The following COL5A2 variants were observed in gnomAD, a reference collection of about 807,000 sequenced individuals.
COL5A2 encodes the protein collagen alpha-2(V) chain.
A neutral mutation model predicts 208.2 loss-of-function variants in COL5A2; 23 were observed. The observed-to-expected ratio is 0.11, with a 90% CI of 0.08 to 0.16. The LOEUF is 0.16. Among genes scored for constraint, COL5A2 ranks in the 10% least tolerant of loss-of-function variants. COL5A2 has a pLI of 1.00. For synonymous variants in COL5A2, 625 were observed against 628.5 expected, an observed-to-expected ratio of 0.99 and a Z score of 0.08; for missense variants, 1,590 against 1,956.4, an observed-to-expected ratio of 0.81 and a Z score of 3.53.
At chr2:189,039,698 T>G in intron 50 of COL5A2, 135 bp from the exon 51 acceptor site, 2 of 785,498 alleles carry the variant, frequency 2.5e-6, no homozygotes, top group East Asian at 5.4e-5. Context: ...TCGCGCCCTT[T>G]TGTAACTAGA....
At chr2:189,070,468 C>G (rs551539155) in intron 18 of COL5A2, among the ~76,000 whole-genome samples, 1 of 152,210 alleles carries the variant, frequency 6.6e-6, no homozygotes, top group Non-Finnish European at 1.5e-5. Context: ...TGGAGAGAAG[C>G]AAGAAGGAAA....
At chr2:189,103,604 C>T (rs528635487) in intron 3 of COL5A2, among the ~76,000 whole-genome samples, 5 of 152,140 alleles carry the variant, frequency 3.3e-5, no homozygotes, top group Non-Finnish European at 2.9e-5. Context: ...ATCTTCGCTT[C>T]GTAGGATTAC....
chr2:189,315,249 C>T, the COL5A2 span, among the ~76,000 whole-genome samples: 1 of 152,176 alleles, frequency 6.6e-6, no homozygotes, highest in Non-Finnish European at 1.5e-5. Flanking sequence ...ATCAAGTAAG[C>T]TTCATCCCTG....
Position 189,068,807 on chromosome 2 carries a change from T to C in COL5A2, c.1236A>G (p.Pro412=). 1 of 1,613,226 alleles carries C rather than the reference T, an allele frequency of 6.2e-7. No homozygotes were observed. Among genetic ancestry groups the C allele is most frequent in the Non-Finnish European group, 8.5e-7 (1 of 1,179,750 alleles). ...GQRGETGPPG[P]VGSPGLPGAI... is the part of the protein sequence containing the mutation. ...TTACAGGAAGACCTGGAGAGCCAAC[T>C]GGACCTGGGGGCCCAGTTTCACCTC... is the stretch of plus-strand genomic sequence containing the variant. The change falls in exon 19 of 54, where the codon CCA becomes CCG. Residue 412 remains proline (P), a synonymous_variant. Transcript: ENST00000374866.
intron 1 of COL5A2, among the ~76,000 whole-genome samples, chr2:189,117,234 T>C (rs1162613711): frequency 6.6e-6 from 1 of 152,188 alleles, no homozygotes; most frequent in Non-Finnish European, 1.5e-5. Flanking sequence ...AAGAGCAGAT[T>C]TCAGTCTGCT....
At chr2:189,105,733 G>T (rs1687136369) in intron 2 of COL5A2, among the ~76,000 whole-genome samples, 1 of 151,266 alleles carries the variant, frequency 6.6e-6, no homozygotes, top group Non-Finnish European at 1.5e-5. Context: ...ATATATTTTA[G>T]AAGACTATAA....
chr2:189,430,727 T>C, the COL5A2 span, among the ~76,000 whole-genome samples: 2 of 152,234 alleles, frequency 1.3e-5, no homozygotes, highest in African/African-American at 4.8e-5. Context: ...CAGGGCCTAC[T>C]GCCTCTATAG....
At chr2:189,363,165 T>G in the COL5A2 span, among the ~76,000 whole-genome samples, 1 of 152,124 alleles carries the variant, frequency 6.6e-6, no homozygotes, top group Non-Finnish European at 1.5e-5. Flanking sequence ...TTAAAAAAAT[T>G]TCTTTCTGCA....
At chr2:189,415,535 G>T in the COL5A2 span, among the ~76,000 whole-genome samples, 1 of 152,024 alleles carries the variant, frequency 6.6e-6, no homozygotes, top group African/African-American at 2.4e-5. Flanking sequence ...TTTCTACTTG[G>T]TCAGTGGATT....
the COL5A2 span, among the ~76,000 whole-genome samples, chr2:189,335,992 G>C: frequency 6.6e-6 from 1 of 151,980 alleles, no homozygotes; most frequent in Non-Finnish European, 1.5e-5. Context: ...AATATGTTAA[G>C]AACATTTATC....
intron 1 of COL5A2, among the ~76,000 whole-genome samples, chr2:189,160,441 CCT>C (rs1466291168): frequency 1.3e-5 from 2 of 152,096 alleles, no homozygotes; most frequent in Non-Finnish European, 2.9e-5. Context: ...TCAACATCTT[CCT>C]CTTTATGGAG....
chr2:189,079,084 T>C lies in COL5A2; in HGVS notation c.984A>G (p.Pro328=), dbSNP rs1232430937. ...GSKGEAGPTG[P]MGAMGPLGPR... ...ATACCAGAGGACCCATGGCACCCAT[T>C]GGACCAGTGGGGCCAGCTTCACCCT... Residue 328 remains proline (P), a synonymous_variant, in exon 15 of 54, where the codon CCA becomes CCG. Coordinates refer to ENST00000374866, the MANE Select transcript of COL5A2 (RefSeq NM_000393.5). 2 of 1,613,158 alleles carry C rather than the reference T, an allele frequency of 1.2e-6. No individual in the cohort carries two copies. Among genetic ancestry groups the C allele is most frequent in the South Asian group, 2.2e-5 (2 of 91,052 alleles).
chr2:189,078,697 A>G lies in COL5A2; in HGVS notation c.1006-128T>C. On this transcript the variant is annotated intron_variant, in intron 15 of 53. Transcript: ENST00000374866. ...ACCAAGCAGTAGTATTTCCAGGGGC[A>G]ATGTTGGGTTTGAAAAACTATCCCC... 9.5e-6 allele frequency: 8 copies of G among 838,880 alleles called. No homozygotes were observed. In the Admixed American group the frequency reaches 1.2e-4, roughly 13 times the overall value. The allele number at this position is 838,880 out of a possible 1,614,324, so 52.0% of individuals were successfully genotyped here.
the COL5A2 span, among the ~76,000 whole-genome samples, chr2:189,248,741 G>T: frequency 1.3e-5 from 2 of 152,122 alleles, no homozygotes; most frequent in South Asian, 4.2e-4. Flanking sequence ...TCAGAAAATA[G>T]ACTAATTCAT....
chr2:189,090,548 G>C (rs1686762629), intron 7 of COL5A2, among the ~76,000 whole-genome samples: 1 of 152,198 alleles, frequency 6.6e-6, no homozygotes. Flanking sequence ...ATGCCATCTA[G>C]GACTTTCATG....
the COL5A2 span, among the ~76,000 whole-genome samples, chr2:189,282,880 C>G: frequency 3.3e-5 from 5 of 152,064 alleles, no homozygotes; most frequent in African/African-American, 1.2e-4. Context: ...TCTAGAAATA[C>G]TTAAATTCTA....
At position 189,072,065 on chromosome 2, in the gene COL5A2, C is replaced by G; in HGVS notation, c.1133G>C (p.Gly378Ala). The G allele has an allele frequency of 6.2e-7, 1 of 1,608,840 alleles. No homozygotes were observed. The highest frequency in any genetic ancestry group is 8.5e-7 in the Non-Finnish European group (1 of 1,176,584). ...CTTCATTCCAGGATTTCCTGGAAAA[C>G]CAGAAGAGCCTGGTATCCCAAGAGG... ...MGPLGIPGSS[G>A]FPGNPGMKGE... The change falls in exon 18 of 54, where the codon GGT becomes GCT. Residue 378 changes from glycine (G) to alanine (A), a missense_variant. By Grantham distance (60) the Gly-to-Ala change is moderately conservative. Transcript: ENST00000374866.
the COL5A2 span, among the ~76,000 whole-genome samples, chr2:189,420,940 T>G: frequency 6.6e-6 from 1 of 152,160 alleles, no homozygotes; most frequent in African/African-American, 2.4e-5. Flanking sequence ...TTATAAAGCA[T>G]TGTTCTTGTC....
At chr2:189,315,716 A>T in the COL5A2 span, among the ~76,000 whole-genome samples, 1 of 152,176 alleles carries the variant, frequency 6.6e-6, no homozygotes, top group Non-Finnish European at 1.5e-5. Flanking sequence ...TTAAGCTGAT[A>T]AACAACTTCA....
Sources: allele counts gnomAD v4.1 joint callset (sites outside exome capture counted in the v4.1 genomes callset), GRCh38; gene constraint gnomAD v4.1.1; transcripts MANE v1.5; gene names NCBI Gene and HGNC (gene_info 2026-07-23, HGNC 2026-07-21).